The following UST variants were observed in gnomAD, a reference collection of about 807,000 sequenced individuals.
UST encodes chondroitin sulfate 2-O-sulfotransferase.
In UST, 21 loss-of-function variants were observed where a neutral mutation model predicts 45.6. That is an observed-to-expected ratio of 0.46 (90% confidence interval 0.33 to 0.66). UST has a LOEUF of 0.66. UST is among the 30% of genes least tolerant of loss of function. The pLI, the probability that UST is intolerant of heterozygous loss-of-function variation, is 0.02. For synonymous variants in UST, 215 were observed against 200.6 expected (o/e 1.07, Z -0.61); for missense variants, 463 against 512.4 (o/e 0.90, Z 0.93).
At chr6:149,044,930 T>A (rs1776376740) in intron 7 of UST, among the ~76,000 whole-genome samples, 1 of 152,220 alleles carries the variant, frequency 6.6e-6, no homozygotes, top group Non-Finnish European at 1.5e-5. Flanking sequence ...CATCAAAGGC[T>A]TAGTGTTTTG....
chr6:148,920,678 G>A (rs140332776), intron 2 of UST, among the ~76,000 whole-genome samples: 3,939 of 152,204 alleles, frequency 0.026, 181 homozygotes, highest in African/African-American at 0.09. Context: ...ACAGGTGCAT[G>A]CCACTATGCC....
In UST at chr6:149,075,970, G is replaced by A. The variant is rs1019535898; in HGVS notation, c.*1854G>A. ...ATTTGGAACCTGCCGAGTGAGCACT[G>A]AAGCTACTTTATCATGAGATGTGTG... On this transcript the variant is annotated 3_prime_UTR_variant, in exon 8 of 8. Transcript: ENST00000367463. 2 of 152,644 alleles carry A rather than the reference G, an allele frequency of 1.3e-5. No homozygotes were observed. The highest frequency in any genetic ancestry group is 1.9e-4 in the East Asian group (1 of 5,198). 9.5% of individuals were successfully genotyped at this position (152,644 alleles called of 1,614,324 possible).
At chr6:148,959,385 G>C (rs903997551) in intron 4 of UST, among the ~76,000 whole-genome samples, 1 of 152,214 alleles carries the variant, frequency 6.6e-6, no homozygotes, top group Non-Finnish European at 1.5e-5. Flanking sequence ...AAACTCTGAA[G>C]AAAGCACCAA....
intron 5 of UST, among the ~76,000 whole-genome samples, chr6:148,985,749 GGA>G (rs1469376046): frequency 6.6e-6 from 1 of 152,114 alleles, no homozygotes. Context: ...ACTTACCAAA[GGA>G]AGAGGTAGGT....
intron 6 of UST, among the ~76,000 whole-genome samples, chr6:149,020,466 C>T (rs990525735): frequency 2.0e-5 from 3 of 152,100 alleles, no homozygotes; most frequent in Non-Finnish European, 2.9e-5. Context: ...TTTTTTAAAT[C>T]GTGTAGTATT....
rs34191810 is a variant in UST, at chr6:149,056,117, CTTTTTTTTTTTTTTT to C, written c.938-17704_938-17690del. Among the ~76,000 whole-genome samples, 543 of 81,112 alleles carry C rather than the reference CTTTTTTTTTTTTTTT, an allele frequency of 6.7e-3. 1 individual carries two copies. Among genetic ancestry groups the C allele is most frequent in the African/African-American group, 0.027 (523 of 19,566 alleles). 53.2% of individuals were successfully genotyped at this position (81,112 alleles called of 152,430 possible). The stretch of plus-strand genomic sequence containing the variant: ...TGTTACTCTGCTTTTCTTTTCTTTT[CTTTTTTTTTTTTTTT>C]TTTTTTTTTTTGAAATGGGGTCTCG... On this transcript the variant is annotated intron_variant, in intron 7 of 7. Coordinates refer to ENST00000367463, the MANE Select transcript of UST (RefSeq NM_005715.3).
intron 2 of UST, among the ~76,000 whole-genome samples, chr6:148,935,845 G>C (rs1300274983): frequency 6.6e-6 from 1 of 152,172 alleles, no homozygotes; most frequent in African/African-American, 2.4e-5. Context: ...GAGTCCTTAG[G>C]AAGGAGAGAG....
intron 1 of UST, among the ~76,000 whole-genome samples, chr6:148,865,632 T>C (rs1193959336): frequency 6.6e-6 from 1 of 151,368 alleles, no homozygotes; most frequent in Non-Finnish European, 1.5e-5. Flanking sequence ...AGCATCCAGG[T>C]CCGGCATTGA....
intron 5 of UST, among the ~76,000 whole-genome samples, chr6:149,006,394 G>A (rs185143831): frequency 6.6e-6 from 1 of 152,212 alleles, no homozygotes; most frequent in East Asian, 1.9e-4. Context: ...GTGGCTTCCA[G>A]CTTTATCCAT....
intron 7 of UST, among the ~76,000 whole-genome samples, chr6:149,032,758 A>C (rs1776173823): frequency 6.6e-6 from 1 of 152,042 alleles, no homozygotes; most frequent in Admixed American, 6.5e-5. Flanking sequence ...TGTCTACCCC[A>C]GTTACTCAGT....
chr6:149,019,073 T>G, intron 5 of UST, 66 bp from the exon 6 acceptor site: 2 of 1,160,976 alleles, frequency 1.7e-6, no homozygotes, highest in South Asian at 1.2e-5. Context: ...TTACTTAAAC[T>G]GTGTGGCATT....
At chr6:148,949,353 TG>T (rs1780315648) in intron 3 of UST, among the ~76,000 whole-genome samples, 1 of 147,918 alleles carries the variant, frequency 6.8e-6, no homozygotes, top group African/African-American at 2.5e-5. Flanking sequence ...GTGGGTTTCT[TG>T]TCCACTGCAC....
intron 1 of UST, among the ~76,000 whole-genome samples, chr6:148,797,341 C>G (rs890493407): frequency 6.6e-6 from 1 of 152,154 alleles, no homozygotes; most frequent in African/African-American, 2.4e-5. Flanking sequence ...ACAACAGCAA[C>G]AACAAAATAA....
At chr6:148,843,941 G>A (rs1017087107) in intron 1 of UST, among the ~76,000 whole-genome samples, 4 of 152,146 alleles carry the variant, frequency 2.6e-5, no homozygotes, top group African/African-American at 4.8e-5. Context: ...GTTGAGCCCC[G>A]TGAAAGCTGC....
intron 5 of UST, among the ~76,000 whole-genome samples, chr6:148,975,229 A>G (rs1291897113): frequency 6.6e-6 from 1 of 152,120 alleles, no homozygotes; most frequent in East Asian, 1.9e-4. Flanking sequence ...ATTCTCATAC[A>G]TTGCTTTTTA....
intron 5 of UST, among the ~76,000 whole-genome samples, chr6:149,017,373 TC>T (rs1487417076): frequency 1.4e-5 from 2 of 143,840 alleles, no homozygotes; most frequent in African/African-American, 5.6e-5. Context: ...AGACTCTGTC[TC>T]AAAAAAAAAA....
chr6:148,862,802 C>G (rs1048297755), intron 1 of UST, among the ~76,000 whole-genome samples: 5 of 152,220 alleles, frequency 3.3e-5, no homozygotes, highest in African/African-American at 1.2e-4. Context: ...AAATTCTCTT[C>G]TTTAAGAATG....
intron 1 of UST, among the ~76,000 whole-genome samples, chr6:148,803,113 A>T (rs1016900721): frequency 6.6e-6 from 1 of 152,172 alleles, no homozygotes; most frequent in South Asian, 2.1e-4. Flanking sequence ...TCTGTGGAAT[A>T]AGATGATACT....
Position 148,934,895 on chromosome 6 carries a change from C to T in UST, c.292-6384C>T, listed in dbSNP as rs997098813. Among the ~76,000 whole-genome samples, 2 of 152,188 alleles carry T rather than the reference C, an allele frequency of 1.3e-5. No individual in the cohort carries two copies. Among genetic ancestry groups the T allele is most frequent in the African/African-American group, 4.8e-5 (2 of 41,448 alleles). On this transcript the variant is annotated intron_variant, in intron 2 of 7. Coordinates refer to ENST00000367463, the MANE Select transcript of UST (RefSeq NM_005715.3). This position sits in a 1 kb window ranked among gnomAD's most constrained non-coding sequence, Gnocchi z 4.1. ...ATATACAGTTATTTGCGAACCACAGCTTGTACTATATTAAGTATCATTTTG... is the reference window on the plus strand; with the variant it reads ...ATATACAGTTATTTGCGAACCACAGTTTGTACTATATTAAGTATCATTTTG...
Sources: allele counts gnomAD v4.1 joint callset (sites outside exome capture counted in the v4.1 genomes callset), GRCh38; gene constraint gnomAD v4.1.1; non-coding constraint Gnocchi (gnomAD v3.1); transcripts MANE v1.5; gene names NCBI Gene and HGNC (gene_info 2026-07-23, HGNC 2026-07-21).